PDE7B: variants seen among roughly 807,000 people sequenced by gnomAD.
PDE7B encodes the protein 3',5'-cyclic-AMP phosphodiesterase 7B.
A neutral mutation model predicts 56.2 loss-of-function variants in PDE7B; 29 were observed. The ratio of observed to expected loss-of-function variants is 0.52; its 90% CI spans 0.38 to 0.70. PDE7B has a LOEUF of 0.70. Ranked by LOEUF, PDE7B falls within the 30% of genes least tolerant of loss-of-function variation. The pLI is 0.00. For synonymous variants in PDE7B, 197 were observed against 196.9 expected, an observed-to-expected ratio of 1.00 and a Z score of 0.00; for missense variants, 490 against 565.0, an observed-to-expected ratio of 0.87 and a Z score of 1.35.
chr6:135,855,932 T>C (rs1187106233), intron 1 of PDE7B, among the ~76,000 whole-genome samples: 2 of 152,190 alleles, frequency 1.3e-5, no homozygotes, highest in East Asian at 3.8e-4. Context: ...ACACATTTCT[T>C]CAACTCTGGA....
chr6:136,155,991 T>C, intron 8 of PDE7B: 1 of 645,828 alleles, frequency 1.5e-6, no homozygotes, highest in South Asian at 1.6e-5. Flanking sequence ...TTAGCTCATG[T>C]CGATACAATT....
chr6:136,005,299 G>A (rs1240504828), intron 2 of PDE7B, among the ~76,000 whole-genome samples: 3 of 152,148 alleles, frequency 2.0e-5, no homozygotes, highest in South Asian at 2.1e-4. Context: ...CATGGGCAAG[G>A]ACTTCATGTC....
At chr6:136,103,510 G>A (rs1170594295) in intron 2 of PDE7B, among the ~76,000 whole-genome samples, 1 of 152,228 alleles carries the variant, frequency 6.6e-6, no homozygotes, top group African/African-American at 2.4e-5. Flanking sequence ...AGTTGTCTGA[G>A]ATTTGGGATC....
chr6:136,040,648 T>C (rs1207797995), intron 2 of PDE7B, among the ~76,000 whole-genome samples: 2 of 152,190 alleles, frequency 1.3e-5, no homozygotes, highest in Non-Finnish European at 2.9e-5. Context: ...AGGCAGAGGT[T>C]TATGATAGAC....
At chr6:135,854,581 C>T (rs1774992690) in intron 1 of PDE7B, among the ~76,000 whole-genome samples, 1 of 152,198 alleles carries the variant, frequency 6.6e-6, no homozygotes, top group Admixed American at 6.5e-5. Flanking sequence ...TCTCACAGCA[C>T]AAAGACCATC....
chr6:136,191,438 G>A (rs1473634553), intron 12 of PDE7B, among the ~76,000 whole-genome samples, 176 bp from the exon 13 acceptor site: 2 of 152,228 alleles, frequency 1.3e-5, no homozygotes, highest in Admixed American at 6.5e-5. Flanking sequence ...AGGCCGAGGC[G>A]GGCGGATCAC....
chr6:135,976,054 C>G (rs1457986147), intron 2 of PDE7B, among the ~76,000 whole-genome samples: 1 of 152,120 alleles, frequency 6.6e-6, no homozygotes, highest in Non-Finnish European at 1.5e-5. Context: ...AGTATCCAGA[C>G]CTGCAGCCGA....
intron 2 of PDE7B, among the ~76,000 whole-genome samples, chr6:136,092,560 A>G (rs1777406030): frequency 6.6e-6 from 1 of 152,206 alleles, no homozygotes; most frequent in South Asian, 2.1e-4. Flanking sequence ...CAGGAGTTCG[A>G]GACCAGCCTG....
intron 3 of PDE7B, among the ~76,000 whole-genome samples, chr6:136,143,110 A>C (rs987378780): frequency 1.3e-5 from 2 of 152,094 alleles, no homozygotes; most frequent in African/African-American, 2.4e-5. Flanking sequence ...TTCCATGTTT[A>C]GTGCTTCCTT....
intron 2 of PDE7B, among the ~76,000 whole-genome samples, chr6:135,976,608 A>G (rs772777676): frequency 1.2e-4 from 18 of 152,064 alleles, no homozygotes; most frequent in Admixed American, 3.3e-4. Context: ...TTGACCACTT[A>G]AAAAGTAAAA....
chr6:136,036,625 T>G (rs1776329449), intron 2 of PDE7B, among the ~76,000 whole-genome samples: 1 of 152,160 alleles, frequency 6.6e-6, no homozygotes, highest in Non-Finnish European at 1.5e-5. Context: ...TAAAACACAC[T>G]CTACAACGAT....
At chr6:136,024,664 G>A (rs1048688754) in intron 2 of PDE7B, among the ~76,000 whole-genome samples, 2 of 152,086 alleles carry the variant, frequency 1.3e-5, no homozygotes, top group African/African-American at 4.8e-5. Context: ...TGTTAGAGAT[G>A]CTTGTCATGT....
At chr6:136,168,607 A>T (rs898138836) in intron 8 of PDE7B, among the ~76,000 whole-genome samples, 4 of 152,154 alleles carry the variant, frequency 2.6e-5, no homozygotes, top group African/African-American at 9.7e-5. Context: ...AAAAACAATG[A>T]AAAAGGATGG....
intron 2 of PDE7B, among the ~76,000 whole-genome samples, chr6:136,024,564 C>A (rs911843618): frequency 6.6e-6 from 1 of 152,058 alleles, no homozygotes; most frequent in Non-Finnish European, 1.5e-5. Context: ...GAAGGGGTTA[C>A]CAATGCCAGC....
intron 6 of PDE7B, among the ~76,000 whole-genome samples, chr6:136,152,726 CT>C (rs1288190137): frequency 6.6e-6 from 1 of 152,216 alleles, no homozygotes; most frequent in Admixed American, 6.5e-5. Context: ...TTCTTTTTGA[CT>C]TGCCACATGG....
chr6:136,064,148 C>T (rs188149160), intron 2 of PDE7B, among the ~76,000 whole-genome samples: 6 of 152,208 alleles, frequency 3.9e-5, no homozygotes, highest in Admixed American at 1.3e-4. Context: ...TTTGTTTTAG[C>T]GTGCAATGGA....
At position 135,917,404 on chromosome 6, in the gene PDE7B, C is replaced by T. The variant is rs146078961; in HGVS notation, c.22-30060C>T. 3.7e-3 allele frequency among the ~76,000 whole-genome samples: 562 copies of T among 151,852 alleles called. 5 individuals carry two copies. Among genetic ancestry groups the T allele is most frequent in the African/African-American group, 0.013 (548 of 41,422 alleles). On this transcript the variant is annotated intron_variant, in intron 1 of 12. Transcript: ENST00000308191. Reference sequence around the variant, plus strand: ...TAAGCCCTACCCAATGAATTTTTAACGTAGGATATTATATTTTTTAATTCT... The same window carrying T: ...TAAGCCCTACCCAATGAATTTTTAATGTAGGATATTATATTTTTTAATTCT...
At chr6:135,985,647 T>C (rs1583812176) in intron 2 of PDE7B, among the ~76,000 whole-genome samples, 1 of 152,216 alleles carries the variant, frequency 6.6e-6, no homozygotes, top group African/African-American at 2.4e-5. Flanking sequence ...CAGATATTCA[T>C]AGTTTGGAAT....
intron 2 of PDE7B, among the ~76,000 whole-genome samples, chr6:135,965,406 A>G (rs1774980925): frequency 4.6e-5 from 7 of 152,188 alleles, no homozygotes; most frequent in Admixed American, 4.6e-4. Flanking sequence ...GAACCCAAGG[A>G]ACAGAAAGGA....
Sources: gnomAD v4.1 joint callset for allele counts (sites outside exome capture counted in the v4.1 genomes callset) on GRCh38, gnomAD v4.1.1 for gene constraint, MANE v1.5 for transcripts, NCBI Gene and HGNC (gene_info 2026-07-23, HGNC 2026-07-21) for gene names.